Variants in CPZ observed in about 807,000 individuals in gnomAD.
The protein encoded by CPZ is VEZT/CPZ fusion.
CPZ carries 103 observed loss-of-function variants against 61.8 expected under a neutral mutation model. The ratio of observed to expected loss-of-function variants is 1.67; its 90% CI spans 1.42 to 1.96. The LOEUF is 1.96. Ranked by LOEUF, CPZ falls within the 30% of genes most tolerant of loss-of-function variation. The probability of loss-of-function intolerance (pLI) is 0.00; values close to 1 mark genes in which losing one functional copy is unlikely to be tolerated. For synonymous variants in CPZ, 551 were observed against 373.7 expected (o/e 1.47, Z -5.47); for missense variants, 1,461 against 914.9 (o/e 1.60, Z -7.70).
Position 8,606,086 on chromosome 4 carries a change from C to G in CPZ, c.807C>G (p.Tyr269Ter), listed in dbSNP as rs1393974833. ...IYLAQYLCSE[Y>*]LLGNPRIQRL... is the part of the protein sequence containing the mutation. ...TAGCCCAGTACCTGTGCTCTGAGTA[C>G]CTGCTTGGTAACCCCCGCATCCAGC... Residue 269 changes from tyrosine to a stop codon, truncating the protein, a stop_gained, in exon 5 of 11, where the codon TAC becomes TAG. Coordinates refer to ENST00000360986, the MANE Select transcript of CPZ (RefSeq NM_001014447.3). LOFTEE classifies it high-confidence loss of function. 6.2e-7 allele frequency: 1 copy of G among 1,614,200 alleles called. No homozygotes were observed. The highest frequency in any genetic ancestry group is 1.7e-5 in the Admixed American group (1 of 60,022).
At chr4:8,615,638 G>C (rs1331253000) in intron 9 of CPZ, among the ~76,000 whole-genome samples, 1 of 152,138 alleles carries the variant, frequency 6.6e-6, no homozygotes, top group African/African-American at 2.4e-5. Flanking sequence ...GTTCTGGCCT[G>C]GGGTCTCTGG....
intron 8 of CPZ, among the ~76,000 whole-genome samples, 176 bp from the exon 9 acceptor site, chr4:8,614,183 T>A (rs1715957065): frequency 6.6e-6 from 1 of 152,128 alleles, no homozygotes; most frequent in East Asian, 1.9e-4. Context: ...CTGTGGCGAG[T>A]ACCTGCTGCA....
chr4:8,606,652 C>G, intron 5 of CPZ, 85 bp from the exon 6 acceptor site: 2 of 1,550,358 alleles, frequency 1.3e-6, no homozygotes, highest in Non-Finnish European at 1.8e-6. Flanking sequence ...CTGGCCTTGA[C>G]CCTCAGCCCA....
intron 7 of CPZ, among the ~76,000 whole-genome samples, chr4:8,609,182 AGG>A (rs1715374474): frequency 9.1e-4 from 91 of 100,368 alleles, no homozygotes; most frequent in South Asian, 1.6e-3. Flanking sequence ...CCATTCACTC[AGG>A]CATTCACTCA....
intron 4 of CPZ, 66 bp downstream of exon 4, chr4:8,604,254 C>T (rs912991711): frequency 6.1e-5 from 87 of 1,421,232 alleles, no homozygotes; most frequent in Middle Eastern, 2.5e-4. Flanking sequence ...GCTCCACCTT[C>T]GGGTGCACAA....
rs759076664 is a variant in CPZ at position 8,612,169 on chromosome 4, C to A, written c.1363+7C>A. The stretch of plus-strand genomic sequence containing the variant: ...TGGTACAGCTTCACGGGAGGTGCGG[C>A]TTCCGCAGGGCGGGACTGGGCGGGG... On this transcript the variant is annotated splice_region_variant and intron_variant, in intron 8 of 10. Transcript: ENST00000360986. 1.8e-6 allele frequency: 2 copies of A among 1,138,454 alleles called. No individual in the cohort carries two copies. Among genetic ancestry groups the A allele is most frequent in the South Asian group, 2.2e-5 (1 of 45,782 alleles). The allele number at this position is 1,138,454 out of a possible 1,614,324, so 70.5% of individuals were successfully genotyped here. A position where few individuals can be genotyped will look rare whatever the true frequency, so the allele number is the denominator to read the frequency against.
intron 2 of CPZ, 173 bp downstream of exon 2, chr4:8,599,658 C>A: frequency 1.4e-6 from 2 of 1,433,774 alleles, no homozygotes; most frequent in South Asian, 1.5e-5. Context: ...TTAGACATAA[C>A]AAAAAAAGAC....
chr4:8,593,360 C>G (rs1229469682), intron 1 of CPZ, among the ~76,000 whole-genome samples: 1 of 152,190 alleles, frequency 6.6e-6, no homozygotes, highest in Non-Finnish European at 1.5e-5. Context: ...CCAGCTGGGG[C>G]TGTGATGTGG....
chr4:8,603,755 C>T (rs1404230599), intron 3 of CPZ: 7 of 586,194 alleles, frequency 1.2e-5, no homozygotes, highest in East Asian at 5.7e-5. Context: ...CTCACAGTCA[C>T]GTTAGGAACC....
Position 8,604,111 on chromosome 4 carries a change from A to G in CPZ, c.632A>G (p.Tyr211Cys). ...CGCTGCGCCCACGTGGCCAGGACCTACAGCATCGGGCGCAGCTTCGACGGC... is the reference window on the plus strand; with the variant it reads ...CGCTGCGCCCACGTGGCCAGGACCTGCAGCATCGGGCGCAGCTTCGACGGC... ...ASRCAHVART[Y>C]SIGRSFDGRE... is the part of the protein sequence containing the mutation. The change falls in exon 4 of 11, where the codon TAC becomes TGC. Residue 211 changes from tyrosine (Y) to cysteine (C), a missense_variant. Physicochemically the swap from Tyr to Cys is radical, Grantham distance 194. Transcript: ENST00000360986. 1 of 1,604,890 alleles carries G rather than the reference A, an allele frequency of 6.2e-7. No individual in the cohort carries two copies. Among genetic ancestry groups the G allele is most frequent in the Non-Finnish European group, 8.5e-7 (1 of 1,176,470 alleles).
chr4:8,606,305 C>T, intron 5 of CPZ, 120 bp downstream of exon 5: 3 of 1,010,568 alleles, frequency 3.0e-6, no homozygotes, highest in Non-Finnish European at 4.3e-6. Context: ...GAGGAGCATT[C>T]AGCAGGTGTC....
chr4:8,603,889 A>G (rs1714751583), intron 3 of CPZ, 87 bp from the exon 4 acceptor site: 17 of 1,136,884 alleles, frequency 1.5e-5, no homozygotes, highest in Non-Finnish European at 2.1e-5. Flanking sequence ...GAGGGGACTA[A>G]GGGTGCTGTG....
rs960363413 is a variant in CPZ, at chr4:8,593,033, A to G, written c.88+112A>G. 30 of 830,468 alleles carry G rather than the reference A, an allele frequency of 3.6e-5. No homozygotes were observed. In the Admixed American group the frequency reaches 7.1e-4, roughly 20 times the overall value. 51.4% of individuals were successfully genotyped at this position (830,468 alleles called of 1,614,324 possible). A position where few individuals can be genotyped will look rare whatever the true frequency, so the allele number is the denominator to read the frequency against. Reference sequence around the variant, plus strand: ...CTTTCTTCCAGTAGGTCACGCGCCTATGGTCCTGGCGAGAACGTCTCCAAA... The same window carrying G: ...CTTTCTTCCAGTAGGTCACGCGCCTGTGGTCCTGGCGAGAACGTCTCCAAA... On this transcript the variant is annotated intron_variant, in intron 1 of 10. Transcript: ENST00000360986.
Position 8,619,313 on chromosome 4 carries a change from T to C in CPZ, c.1655T>C (p.Ile552Thr). The change falls in exon 11 of 11, where the codon ATT (isoleucine) becomes ACT (threonine). Residue 552 changes from isoleucine to threonine, a missense_variant. By Grantham distance (89) the Ile-to-Thr change is moderately conservative. Coordinates refer to ENST00000360986, the MANE Select transcript of CPZ (RefSeq NM_001014447.3). Reference protein sequence around the residue: ...RLLPPGIHIVIAQAPGYAKVI... With the variant: ...RLLPPGIHIVTAQAPGYAKVI... ...CTGCCCCCAGGTATCCACATTGTCATTGCCCAAGCCCCTGGCTACGCCAAA... is the reference window on the plus strand; with the variant it reads ...CTGCCCCCAGGTATCCACATTGTCACTGCCCAAGCCCCTGGCTACGCCAAA... 6.2e-7 allele frequency: 1 copy of C among 1,614,014 alleles called. No homozygotes were observed.
At chr4:8,599,338 G>GATGGA (rs1481362204) in intron 1 of CPZ, 115 bp from the exon 2 acceptor site, 62 of 1,245,548 alleles carry the variant, frequency 5.0e-5, no homozygotes, top group Non-Finnish European at 6.5e-5. Flanking sequence ...AGATGGAGCT[G>GATGGA]GCGGAGGGTG....
rs777825637 is a variant in CPZ, at chr4:8,607,399, A to T, written c.1201A>T (p.Met401Leu). ...CTCCAAGCACCCCCAGGAGGAGAAG[A>T]TGTTTTCTCCCACGCCCGACGAGAA... ...DFSKHPQEEK[M>L]FSPTPDEKMF... The change falls in exon 7 of 11, where the codon ATG (methionine) becomes TTG (leucine). Residue 401 changes from methionine (M) to leucine (L), a missense_variant. By Grantham distance (15) the Met-to-Leu change is conservative. Coordinates refer to ENST00000360986, the MANE Select transcript of CPZ (RefSeq NM_001014447.3). The T allele has an allele frequency of 3.3e-5, 54 of 1,613,990 alleles. No individual in the cohort carries two copies. Among genetic ancestry groups the T allele is most frequent in the South Asian group, 1.4e-4 (13 of 91,080 alleles).
intron 1 of CPZ, among the ~76,000 whole-genome samples, chr4:8,596,619 T>C (rs1714202749): frequency 6.6e-6 from 1 of 152,258 alleles, no homozygotes. Flanking sequence ...TGTATTAATC[T>C]TGATGGATCC....
Position 8,607,262 on chromosome 4 carries a change from G to C in CPZ, c.1069-5G>C. 1 of 1,613,926 alleles carries C rather than the reference G, an allele frequency of 6.2e-7. No homozygotes were observed. Among genetic ancestry groups the C allele is most frequent in the Non-Finnish European group, 8.5e-7 (1 of 1,179,920 alleles). The stretch of plus-strand genomic sequence containing the variant: ...CCTGAGGGCGGCCTCGTCTGTCCTG[G>C]GCAGGTGGCCCCGGAGACAAAGGCA... On this transcript the variant is annotated splice_polypyrimidine_tract_variant and splice_region_variant and intron_variant, in intron 6 of 10. Transcript: ENST00000360986.
chr4:8,609,239 C>T (rs939364530), intron 7 of CPZ, among the ~76,000 whole-genome samples: 130 of 133,490 alleles, frequency 9.7e-4, no homozygotes, highest in Admixed American at 1.4e-3. Flanking sequence ...CATTGTCACT[C>T]ATTCACTCAT....
Sources: gnomAD v4.1 joint callset for allele counts (sites outside exome capture counted in the v4.1 genomes callset) on GRCh38, gnomAD v4.1.1 for gene constraint, MANE v1.5 for transcripts, NCBI Gene and HGNC (gene_info 2026-07-23, HGNC 2026-07-21) for gene names.